FGGY: variants seen among roughly 807,000 people sequenced by gnomAD.
The protein encoded by FGGY is FGGY carbohydrate kinase domain containing, also known as FGGY carbohydrate kinase domain-containing protein.
A neutral mutation model predicts 71.3 loss-of-function variants in FGGY; 72 were observed. The observed-to-expected ratio is 1.01, with a 90% CI of 0.84 to 1.23. The LOEUF (loss-of-function observed/expected upper bound fraction) is 1.23, where lower values mean the gene tolerates loss of function less well. FGGY is among the 50% of genes most tolerant of loss of function. The pLI is 0.00. For missense variants in FGGY, 668 were observed against 682.3 expected, an observed-to-expected ratio of 0.98 and a Z score of 0.23; for synonymous variants, 251 against 250.3, an observed-to-expected ratio of 1.00 and a Z score of -0.02.
At chr1:59,639,291 G>A (rs1396902678) in intron 11 of FGGY, among the ~76,000 whole-genome samples, 1 of 152,164 alleles carries the variant, frequency 6.6e-6, no homozygotes, top group African/African-American at 2.4e-5. Flanking sequence ...TATTGAGATT[G>A]TTTTAAATAT....
At chr1:59,645,336 T>C (rs537256427) in intron 11 of FGGY, among the ~76,000 whole-genome samples, 1 of 152,242 alleles carries the variant, frequency 6.6e-6, no homozygotes, top group East Asian at 1.9e-4. Context: ...TGGCCTTTAC[T>C]TGCATCTTTA....
At chr1:59,708,878 G>T (rs766131196) in intron 14 of FGGY, among the ~76,000 whole-genome samples, 17 of 152,116 alleles carry the variant, frequency 1.1e-4, no homozygotes, top group Non-Finnish European at 1.8e-4. Context: ...TTCCAGTTTT[G>T]GATTTTGGAT....
chr1:59,366,523 C>T (rs186605492), intron 4 of FGGY, among the ~76,000 whole-genome samples: 11 of 152,232 alleles, frequency 7.2e-5, no homozygotes, highest in African/African-American at 2.6e-4. Flanking sequence ...GATATATGGC[C>T]ACACACAAAA....
chr1:59,635,211 A>C (rs1206464073), intron 10 of FGGY, among the ~76,000 whole-genome samples: 1 of 152,248 alleles, frequency 6.6e-6, no homozygotes, highest in African/African-American at 2.4e-5. Flanking sequence ...TTTCATTTTG[A>C]ATGATATACT....
chr1:59,741,390 G>A (rs188062473), intron 14 of FGGY, among the ~76,000 whole-genome samples: 68 of 152,192 alleles, frequency 4.5e-4, no homozygotes, highest in African/African-American at 1.5e-3. Context: ...ACTTCCTCCC[G>A]CTCCAGCCAT....
intron 5 of FGGY, among the ~76,000 whole-genome samples, chr1:59,422,474 T>C (rs2065613933): frequency 1.3e-5 from 2 of 152,114 alleles, no homozygotes; most frequent in African/African-American, 4.8e-5. Flanking sequence ...TTGGGTGGAT[T>C]GCTTGAGCCC....
intron 11 of FGGY, among the ~76,000 whole-genome samples, chr1:59,645,558 A>G (rs932682042): frequency 4.6e-5 from 7 of 152,162 alleles, no homozygotes; most frequent in Non-Finnish European, 1.0e-4. Context: ...TTTCCTCATC[A>G]ATACAACAGG....
intron 6 of FGGY, among the ~76,000 whole-genome samples, chr1:59,492,616 T>C (rs1266730031): frequency 6.6e-6 from 1 of 152,082 alleles, no homozygotes; most frequent in East Asian, 1.9e-4. Flanking sequence ...TAAATCCTCC[T>C]TTTTCACTTT....
chr1:59,547,949 T>G (rs1460219699), intron 7 of FGGY, among the ~76,000 whole-genome samples: 12 of 152,228 alleles, frequency 7.9e-5, no homozygotes, highest in Admixed American at 7.2e-4. Context: ...AGTGAGCTAC[T>G]GCAGTGTGAA....
At chr1:59,516,574 A>G (rs1558190270) in intron 7 of FGGY, among the ~76,000 whole-genome samples, 1 of 152,182 alleles carries the variant, frequency 6.6e-6, no homozygotes, top group Non-Finnish European at 1.5e-5. Context: ...GTCTCCTGTT[A>G]TGCAGTGAGA....
intron 5 of FGGY, among the ~76,000 whole-genome samples, chr1:59,381,647 G>A (rs937195110): frequency 1.3e-5 from 2 of 150,758 alleles, no homozygotes; most frequent in African/African-American, 4.9e-5. Flanking sequence ...GTGTGTGTGT[G>A]TGTGTGTGTG....
At chr1:59,607,301 C>T (rs2096632949) in intron 8 of FGGY, among the ~76,000 whole-genome samples, 1 of 152,154 alleles carries the variant, frequency 6.6e-6, no homozygotes, top group Admixed American at 6.5e-5. Context: ...GGTCTTGTGG[C>T]CAAGTTTGAG....
chr1:59,760,364 C>CT (rs1454036138), intron 15 of FGGY, among the ~76,000 whole-genome samples: 1 of 152,172 alleles, frequency 6.6e-6, no homozygotes, highest in Non-Finnish European at 1.5e-5. Context: ...CATAGTATCG[C>CT]TGCTGCAGAA....
intron 6 of FGGY, 80 bp from the exon 7 acceptor site, chr1:59,512,231 A>G: frequency 1.4e-6 from 2 of 1,431,972 alleles, no homozygotes; most frequent in East Asian, 2.5e-5. Flanking sequence ...GAGAGCAAAG[A>G]GTTTCTCTTA....
chr1:59,377,903 G>A (rs575115116), intron 4 of FGGY, among the ~76,000 whole-genome samples: 1 of 152,278 alleles, frequency 6.6e-6, no homozygotes, highest in South Asian at 2.1e-4. Context: ...TCTTTAAAAT[G>A]TACAATGGCT....
chr1:59,626,281 A>G (rs866515487), intron 10 of FGGY: 1 of 425,548 alleles, frequency 2.3e-6, no homozygotes, highest in Middle Eastern at 4.9e-4. Flanking sequence ...GACTATAGAT[A>G]AGAAACTCTG....
At chr1:59,582,760 C>G (rs75513842) in intron 8 of FGGY, among the ~76,000 whole-genome samples, 3 of 150,128 alleles carry the variant, frequency 2.0e-5, no homozygotes, top group South Asian at 4.2e-4. Flanking sequence ...TCCTTGAGGA[C>G]AGATATTGCG....
intron 1 of FGGY, among the ~76,000 whole-genome samples, chr1:59,317,244 G>A (rs979866946): frequency 6.6e-6 from 1 of 152,192 alleles, no homozygotes; most frequent in African/African-American, 2.4e-5. Flanking sequence ...TTGGCTTTCA[G>A]TTTTAGCTGG....
chr1:59,311,110 T>G (rs912929043), intron 1 of FGGY, among the ~76,000 whole-genome samples: 10 of 152,144 alleles, frequency 6.6e-5, no homozygotes, highest in African/African-American at 2.4e-4. Context: ...CTGAAAAGGC[T>G]TCACAGGATT....
Sources: allele counts gnomAD v4.1 joint callset (sites outside exome capture counted in the v4.1 genomes callset), GRCh38; gene constraint gnomAD v4.1.1; transcripts MANE v1.5; gene names NCBI Gene and HGNC (gene_info 2026-07-23, HGNC 2026-07-21).